The following XIRP2 variants were observed in gnomAD, a reference collection of about 807,000 sequenced individuals.
XIRP2 encodes xin actin-binding repeat-containing protein 2.
Under a neutral mutation model 277.0 loss-of-function variants are expected in XIRP2, and 236 were observed. The ratio of observed to expected loss-of-function variants is 0.85; its 90% CI spans 0.77 to 0.95. The LOEUF is 0.95. Among genes scored for constraint, XIRP2 ranks in the 40% least tolerant of loss-of-function variants. The pLI is 0.00. For synonymous variants in XIRP2, 1,490 were observed against 1,416.5 expected, an observed-to-expected ratio of 1.05 and a Z score of -1.17; for missense variants, 4,640 against 4,157.5, an observed-to-expected ratio of 1.12 and a Z score of -3.19.
intron 2 of XIRP2, among the ~76,000 whole-genome samples, chr2:166,907,474 T>G (rs930722634): frequency 6.6e-6 from 1 of 152,186 alleles, no homozygotes; most frequent in Admixed American, 6.5e-5. Flanking sequence ...TCTTGTCTGA[T>G]GTCACTCATG....
In XIRP2 at chr2:167,081,355, G is replaced by A. The variant is rs1472926445; in HGVS notation, c.409-54554G>A. ...TGGGCCTGTAGTCTGAGTTACTCAG[G>A]AAGCAGAGAAGCAGAGGTGAGAGGA... On this transcript the variant is annotated intron_variant, in intron 2 of 10. Coordinates refer to ENST00000409195, the MANE Select transcript of XIRP2 (RefSeq NM_152381.6). 2.6e-5 allele frequency among the ~76,000 whole-genome samples: 4 copies of A among 152,148 alleles called. No homozygotes were observed. In the East Asian group the frequency reaches 5.8e-4, roughly 22 times the overall value.
intron 5 of XIRP2, among the ~76,000 whole-genome samples, chr2:167,232,212 G>C (rs771547066): frequency 1.3e-5 from 2 of 151,958 alleles, no homozygotes; most frequent in Non-Finnish European, 2.9e-5. Context: ...GGAAAGAATT[G>C]TGTAATAGAT....
intron 3 of XIRP2, among the ~76,000 whole-genome samples, chr2:167,149,631 A>T (rs1691957689): frequency 6.6e-6 from 1 of 152,100 alleles, no homozygotes; most frequent in Non-Finnish European, 1.5e-5. Context: ...CAAATGGTTT[A>T]AAAGCTACAT....
chr2:167,102,276 T>C (rs1331739697), intron 2 of XIRP2, among the ~76,000 whole-genome samples: 1 of 152,146 alleles, frequency 6.6e-6, no homozygotes, highest in Non-Finnish European at 1.5e-5. Flanking sequence ...AAGCATGAAA[T>C]AATCAAAGTC....
intron 2 of XIRP2, among the ~76,000 whole-genome samples, chr2:167,007,470 T>C (rs752251062): frequency 2.6e-5 from 4 of 151,688 alleles, no homozygotes; most frequent in Non-Finnish European, 5.9e-5. Flanking sequence ...TAATAATCTA[T>C]AATTTTTCAA....
At chr2:167,149,770 A>C (rs1325112060) in intron 3 of XIRP2, among the ~76,000 whole-genome samples, 1 of 152,120 alleles carries the variant, frequency 6.6e-6, no homozygotes, top group Non-Finnish European at 1.5e-5. Flanking sequence ...TATAAGATTC[A>C]ATATCATAAA....
chr2:166,996,550 C>G (rs968929846), intron 2 of XIRP2, among the ~76,000 whole-genome samples: 4 of 152,084 alleles, frequency 2.6e-5, no homozygotes, highest in South Asian at 2.1e-4. Context: ...TTGCTTGACC[C>G]CAGGAGGCAG....
intron 2 of XIRP2, among the ~76,000 whole-genome samples, chr2:167,084,488 A>G (rs1198347287): frequency 6.7e-6 from 1 of 149,894 alleles, no homozygotes; most frequent in African/African-American, 2.4e-5. Flanking sequence ...CTCTTTTTCT[A>G]TTGATTGGAA....
At chr2:167,018,359 G>C (rs1687888538) in intron 2 of XIRP2, among the ~76,000 whole-genome samples, 1 of 151,914 alleles carries the variant, frequency 6.6e-6, no homozygotes, top group Non-Finnish European at 1.5e-5. Flanking sequence ...TGTTAGTTCA[G>C]GTTCTTGAGA....
chr2:167,206,895 A>G (rs961247068), intron 3 of XIRP2, among the ~76,000 whole-genome samples: 2 of 152,220 alleles, frequency 1.3e-5, no homozygotes, highest in Non-Finnish European at 2.9e-5. Flanking sequence ...CTGGCTTTAG[A>G]AATAAGATTG....
intron 4 of XIRP2, 140 bp from the exon 5 acceptor site, chr2:167,218,026 A>T: frequency 1.6e-6 from 1 of 623,698 alleles, no homozygotes; most frequent in Non-Finnish European, 2.4e-6. Flanking sequence ...TTTGTTAAAG[A>T]CATACTGAAA....
chr2:167,031,705 T>C (rs1688354012), intron 2 of XIRP2, among the ~76,000 whole-genome samples: 2 of 152,046 alleles, frequency 1.3e-5, no homozygotes, highest in Admixed American at 6.6e-5. Context: ...CATTCACAAT[T>C]GCTATAAAGA....
chr2:167,007,684 C>CTA, intron 2 of XIRP2, among the ~76,000 whole-genome samples: 2 of 105,240 alleles, frequency 1.9e-5, no homozygotes, highest in South Asian at 6.3e-4. Flanking sequence ...TGTACACTCT[C>CTA]TCTCTCTCTC....
At chr2:166,915,680 A>C in intron 2 of XIRP2, among the ~76,000 whole-genome samples, 1 of 152,158 alleles carries the variant, frequency 6.6e-6, no homozygotes, top group East Asian at 1.9e-4. Flanking sequence ...TATTAATCTA[A>C]TTATTCTATT....
rs1695179210 is a variant in XIRP2 at position 167,244,404 on chromosome 2, C to T, written c.3012C>T (p.Val1004=). Residue 1004 remains valine (V), a synonymous_variant, in exon 9 of 11, where the codon GTC becomes GTT. Coordinates refer to ENST00000409195, the MANE Select transcript of XIRP2 (RefSeq NM_152381.6). The part of the protein sequence containing the change: ...PLGKYHQVKT[V]QQEEIVRGDV... ...GAAAATATCATCAAGTAAAGACAGT[C>T]CAGCAAGAAGAAATCGTAAGAGGTG... 6 of 1,613,602 alleles carry T rather than the reference C, an allele frequency of 3.7e-6. No individual in the cohort carries two copies. Among genetic ancestry groups the T allele is most frequent in the Non-Finnish European group, 4.2e-6 (5 of 1,179,784 alleles).
At chr2:167,000,196 T>A (rs953542686) in intron 2 of XIRP2, among the ~76,000 whole-genome samples, 1 of 152,170 alleles carries the variant, frequency 6.6e-6, no homozygotes. Context: ...ATTGAAAGTA[T>A]TCCTCTTGTG....
intron 5 of XIRP2, among the ~76,000 whole-genome samples, chr2:167,231,119 G>A (rs536813135): frequency 2.0e-5 from 3 of 152,084 alleles, no homozygotes; most frequent in Admixed American, 6.6e-5. Context: ...TGCCATGTTT[G>A]TGCAGATAAC....
At chr2:167,193,578 G>A (rs777094966) in intron 3 of XIRP2, among the ~76,000 whole-genome samples, 4 of 151,832 alleles carry the variant, frequency 2.6e-5, no homozygotes, top group Non-Finnish European at 4.4e-5. Flanking sequence ...TTTACTCTTC[G>A]TTAACCTTGA....
At chr2:167,152,311 A>G (rs988652858) in intron 3 of XIRP2, among the ~76,000 whole-genome samples, 2 of 151,994 alleles carry the variant, frequency 1.3e-5, no homozygotes, top group Non-Finnish European at 2.9e-5. Context: ...GGACACAGAG[A>G]GGAATCTAGA....
Sources: allele counts gnomAD v4.1 joint callset (sites outside exome capture counted in the v4.1 genomes callset), GRCh38; gene constraint gnomAD v4.1.1; transcripts MANE v1.5; gene names NCBI Gene and HGNC (gene_info 2026-07-23, HGNC 2026-07-21).